LRRCC1: variants seen among roughly 807,000 people sequenced by gnomAD.
LRRCC1 encodes the protein leucine-rich repeat and coiled-coil domain-containing protein 1.
LRRCC1 carries 115 observed loss-of-function variants against 126.0 expected under a neutral mutation model. The ratio of observed to expected loss-of-function variants is 0.91; its 90% CI spans 0.78 to 1.07. LRRCC1 has a LOEUF of 1.07. Among genes scored for constraint, LRRCC1 ranks in the 50% least tolerant of loss-of-function variants. The probability of loss-of-function intolerance (pLI) is 0.00; values close to 1 mark genes in which losing one functional copy is unlikely to be tolerated. For synonymous variants in LRRCC1, 400 were observed against 393.4 expected (o/e 1.02, Z -0.20); for missense variants, 1,172 against 1,175.7 (o/e 1.00, Z 0.05).
Position 85,137,484 on chromosome 8 carries a change from C to T in LRRCC1, c.2350C>T (p.Arg784Cys), listed in dbSNP as rs750034546. The change falls in exon 15 of 19, where the codon CGT becomes TGT. Residue 784 changes from arginine to cysteine, a missense_variant. Arg to Cys is a radical substitution (Grantham distance 180). Coordinates refer to ENST00000360375, the MANE Select transcript of LRRCC1 (RefSeq NM_033402.5). ...AQQGSSLAQN[R>C]GKLEAQIESL... ...CTTAGGATCTTCTCTAGCCCAAAAT[C>T]GTGGAAAATTGGAGGCTCAAATTGA... is the stretch of plus-strand genomic sequence containing the variant. 16 of 1,554,306 alleles carry T rather than the reference C, an allele frequency of 1.0e-5. No individual in the cohort carries two copies. Among genetic ancestry groups the T allele is most frequent in the Non-Finnish European group, 1.0e-5 (12 of 1,158,978 alleles).
intron 18 of LRRCC1, among the ~76,000 whole-genome samples, chr8:85,145,117 G>GTGTGTATATATATATATATATATATA (rs1554679351): frequency 2.8e-5 from 4 of 143,332 alleles, no homozygotes; most frequent in African/African-American, 1.0e-4. Context: ...ATATATGTGT[G>GTGTGTATATATATATATATATATATA]TATATATATA....
chr8:85,136,815 G>C (rs1810904480), intron 14 of LRRCC1, among the ~76,000 whole-genome samples: 1 of 151,968 alleles, frequency 6.6e-6, no homozygotes, highest in Non-Finnish European at 1.5e-5. Flanking sequence ...TTAAAATTAT[G>C]AATAGCTAGA....
intron 15 of LRRCC1, 30 bp downstream of exon 15, chr8:85,137,657 AGCAAATGGCAGGTTTGCAAAT>A: frequency 1.5e-6 from 2 of 1,362,704 alleles, no homozygotes; most frequent in African/African-American, 3.0e-5. Context: ...TTGGTTAAAG[AGCAAATGGCAGGTTTGCAAAT>A]CTTTGGATCA....
At chr8:85,118,943 A>G (rs750545616) in intron 6 of LRRCC1, among the ~76,000 whole-genome samples, 1 of 152,120 alleles carries the variant, frequency 6.6e-6, no homozygotes, top group Admixed American at 6.5e-5. Context: ...GCATACCAAA[A>G]TAACATTCTC....
At chr8:85,112,840 C>G (rs775532679) in intron 3 of LRRCC1, 92 bp from the exon 4 acceptor site, 4 of 873,468 alleles carry the variant, frequency 4.6e-6, no homozygotes, top group East Asian at 2.7e-5. Flanking sequence ...GCCCGTTTGC[C>G]TCTAAAAGTA....
At chr8:85,116,450 T>C (rs952215817) in intron 6 of LRRCC1, among the ~76,000 whole-genome samples, 3 of 152,266 alleles carry the variant, frequency 2.0e-5, no homozygotes, top group South Asian at 2.1e-4. Flanking sequence ...CATAGCTCAC[T>C]GCAGCCTCGA....
At chr8:85,125,879 T>C (rs1358180441) in intron 8 of LRRCC1, among the ~76,000 whole-genome samples, 1 of 152,082 alleles carries the variant, frequency 6.6e-6, no homozygotes, top group Non-Finnish European at 1.5e-5. Context: ...TTCTCAACTA[T>C]AGAGGCTTTA....
intron 6 of LRRCC1, among the ~76,000 whole-genome samples, chr8:85,121,422 T>TTTTTGTTTTG (rs539081432): frequency 3.3e-5 from 5 of 151,946 alleles, no homozygotes; most frequent in African/African-American, 1.2e-4. Context: ...TTTGTTTTGT[T>TTTTTGTTTTG]TTTTGTTTTG....
chr8:85,115,342 T>G (rs778238105), intron 5 of LRRCC1, 33 bp from the exon 6 acceptor site: 1 of 1,581,564 alleles, frequency 6.3e-7, no homozygotes, highest in African/African-American at 1.4e-5. Flanking sequence ...TGAATATAAA[T>G]TAAAAGGATT....
At chr8:85,129,523 T>C (rs1810283677) in intron 10 of LRRCC1, 144 bp downstream of exon 10, 1 of 680,034 alleles carries the variant, frequency 1.5e-6, no homozygotes, top group African/African-American at 1.8e-5. Flanking sequence ...AACGGTCACA[T>C]AGCCTGTTGA....
rs762123178 is a variant in LRRCC1, at chr8:85,126,829, C to G, written c.1413C>G (p.Thr471=). The G allele has an allele frequency of 7.5e-5, 120 of 1,606,744 alleles. No homozygotes were observed. Among genetic ancestry groups the G allele is most frequent in the Non-Finnish European group, 8.9e-5 (105 of 1,177,880 alleles). The change falls in exon 9 of 19, where the codon ACC becomes ACG. Residue 471 remains threonine (T), a synonymous_variant. Coordinates refer to ENST00000360375, the MANE Select transcript of LRRCC1 (RefSeq NM_033402.5). ...KEDIHSLALL[T]TDRLKEIIFR... ...ATATTCATAGTCTGGCTCTACTTAC[C>G]ACAGATAGGTAAAAAGAAATTAATA...
chr8:85,143,388 T>C (rs1053339028), intron 18 of LRRCC1, among the ~76,000 whole-genome samples: 12 of 150,996 alleles, frequency 7.9e-5, no homozygotes, highest in African/African-American at 2.9e-4. Context: ...CCAACACTTA[T>C]TAGGAGGTTG....
In LRRCC1 at chr8:85,107,312, C is replaced by CGGT. The variant is rs760878712; in HGVS notation, c.23_25dup (p.Val8dup). On this transcript the variant is annotated inframe_insertion, in exon 1 of 19. Transcript: ENST00000360375. Reference sequence around the variant, plus strand: ...GCCAGTGCTATGGAGGCGGCGGCGGCGGTGGTGGCGGCAGAGGCGGAAGTG... The same window carrying CGGT: ...GCCAGTGCTATGGAGGCGGCGGCGGCGGTGGTGGTGGCGGCAGAGGCGGAAGTG... 8 of 1,601,068 alleles carry CGGT rather than the reference C, an allele frequency of 5.0e-6. No individual in the cohort carries two copies. Among genetic ancestry groups the CGGT allele is most frequent in the South Asian group, 3.3e-5 (3 of 89,680 alleles).
Position 85,115,106 on chromosome 8 carries a change from G to C in LRRCC1, c.551G>C (p.Arg184Thr), listed in dbSNP as rs1400711958. Residue 184 changes from arginine (R) to threonine (T), a missense_variant, in exon 5 of 19, where the codon AGA becomes ACA. Coordinates refer to ENST00000360375, the MANE Select transcript of LRRCC1 (RefSeq NM_033402.5). The part of the protein sequence containing the change: ...DNPVCRLPGY[R>T]AVILQTLPQL... ...TGAATGATTTGTTTCCAAGGGTACA[G>C]AGCAGTTATTCTCCAGACTTTGCCA... is the stretch of plus-strand genomic sequence containing the variant. 2 of 1,598,896 alleles carry C rather than the reference G, an allele frequency of 1.3e-6. No individual in the cohort carries two copies. The highest frequency in any genetic ancestry group is 1.4e-5 in the African/African-American group (1 of 73,574).
intron 1 of LRRCC1, chr8:85,108,806 C>T (rs1808468521): frequency 6.6e-6 from 1 of 152,160 alleles, no homozygotes; most frequent in Admixed American, 6.5e-5. Flanking sequence ...GGGTGTATCT[C>T]CCATCTAGCA....
chr8:85,117,470 A>G (rs1809213326), intron 6 of LRRCC1, among the ~76,000 whole-genome samples: 1 of 152,210 alleles, frequency 6.6e-6, no homozygotes, highest in Non-Finnish European at 1.5e-5. Flanking sequence ...TTTGAATTTC[A>G]TTGAGCTGTT....
At chr8:85,119,763 G>T (rs988146382) in intron 6 of LRRCC1, among the ~76,000 whole-genome samples, 2 of 152,112 alleles carry the variant, frequency 1.3e-5, no homozygotes, top group Admixed American at 1.3e-4. Flanking sequence ...CTTCCAAAGT[G>T]CTGGGATTAC....
intron 18 of LRRCC1, among the ~76,000 whole-genome samples, chr8:85,143,834 G>C (rs1256571367): frequency 6.6e-6 from 1 of 152,154 alleles, no homozygotes; most frequent in African/African-American, 2.4e-5. Flanking sequence ...AAGAGTTTTA[G>C]AAATAGCACT....
chr8:85,135,252 GA>G (rs1810768446), intron 13 of LRRCC1, among the ~76,000 whole-genome samples: 2 of 152,080 alleles, frequency 1.3e-5, no homozygotes, highest in South Asian at 4.1e-4. Context: ...TTAGTTTTAA[GA>G]AACATGTTCA....
Sources: gnomAD v4.1 joint callset for allele counts (sites outside exome capture counted in the v4.1 genomes callset) on GRCh38, gnomAD v4.1.1 for gene constraint, MANE v1.5 for transcripts, NCBI Gene and HGNC (gene_info 2026-07-23, HGNC 2026-07-21) for gene names.